Variants in DGKB observed in about 807,000 individuals in gnomAD.
DGKB encodes diacylglycerol kinase beta.
A neutral mutation model predicts 114.3 loss-of-function variants in DGKB; 67 were observed. That is an observed-to-expected ratio of 0.59 (90% CI 0.48 to 0.72). The LOEUF (loss-of-function observed/expected upper bound fraction) is 0.72, where lower values mean the gene tolerates loss of function less well. Among genes scored for constraint, DGKB ranks in the 30% least tolerant of loss-of-function variants. The pLI, the probability that DGKB is intolerant of heterozygous loss-of-function variation, is 0.00. For synonymous variants in DGKB, 398 were observed against 323.1 expected (o/e 1.23, Z -2.49); for missense variants, 907 against 975.2 (o/e 0.93, Z 0.93).
chr7:14,905,222 G>A (rs531686446), upstream of DGKB, among the ~76,000 whole-genome samples: 1 of 142,522 alleles, frequency 7.0e-6, no homozygotes, highest in African/African-American at 2.6e-5. Flanking sequence ...TTGGTAATGA[G>A]TATTTAACAT....
chr7:14,158,465 C>A (rs947719912), intron 25 of DGKB, among the ~76,000 whole-genome samples: 2 of 152,282 alleles, frequency 1.3e-5, no homozygotes, highest in South Asian at 2.1e-4. Flanking sequence ...TCAAGGGAGT[C>A]CAATAAGCTC....
chr7:14,417,779 G>T (rs1177233736), intron 21 of DGKB, among the ~76,000 whole-genome samples: 1 of 151,432 alleles, frequency 6.6e-6, no homozygotes, highest in African/African-American at 2.4e-5. Context: ...CCTCTGTAAA[G>T]CTTTCTGCTG....
At chr7:14,257,826 A>G (rs1796166508) in intron 23 of DGKB, among the ~76,000 whole-genome samples, 1 of 152,138 alleles carries the variant, frequency 6.6e-6, no homozygotes, top group East Asian at 1.9e-4. Context: ...TCCCGGGTTC[A>G]AGCAATTCTC....
chr7:14,458,078 A>G (rs1832551184), intron 21 of DGKB, among the ~76,000 whole-genome samples: 1 of 152,198 alleles, frequency 6.6e-6, no homozygotes, highest in Non-Finnish European at 1.5e-5. Context: ...CCTTGATTAA[A>G]AAAAACGATG....
intron 1 of DGKB, among the ~76,000 whole-genome samples, chr7:14,853,740 C>T (rs1159589090): frequency 3.3e-5 from 5 of 151,052 alleles, no homozygotes; most frequent in African/African-American, 4.9e-5. Flanking sequence ...TGGTGGTGGG[C>T]GCCTGTAGTC....
In DGKB at chr7:14,313,761, C is replaced by G. The variant is rs1482859534; in HGVS notation, c.2122+24754G>C. Reference sequence around the variant, plus strand: ...GGTAAACAAAGCAGCCTGGAAGCTCCAACTGGGTGGAGCCCACCACAGCTC... The same window carrying G: ...GGTAAACAAAGCAGCCTGGAAGCTCGAACTGGGTGGAGCCCACCACAGCTC... On this transcript the variant is annotated intron_variant, in intron 23 of 25. Coordinates refer to ENST00000402815, the MANE Select transcript of DGKB (RefSeq NM_001350709.2). 2.1e-3 allele frequency among the ~76,000 whole-genome samples: 323 copies of G among 152,190 alleles called. 4 individuals are homozygous for G. Among genetic ancestry groups the G allele is most frequent in the African/African-American group, 7.1e-3 (295 of 41,514 alleles).
intron 21 of DGKB, among the ~76,000 whole-genome samples, chr7:14,418,273 T>TATATGTA (rs1393986232): frequency 7.8e-5 from 11 of 140,926 alleles, no homozygotes; most frequent in East Asian, 6.2e-4. Flanking sequence ...TGTATATATA[T>TATATGTA]TTTATATATG....
chr7:14,879,618 T>G (rs1853907747), intron 1 of DGKB, among the ~76,000 whole-genome samples: 1 of 152,202 alleles, frequency 6.6e-6, no homozygotes, highest in Non-Finnish European at 1.5e-5. Flanking sequence ...CTTTAATATT[T>G]CTGTTAGTAC....
At position 14,234,923 on chromosome 7, in the gene DGKB, G is replaced by A. The variant is rs772640370; in HGVS notation, c.2123-56772C>T. 6.2e-4 allele frequency among the ~76,000 whole-genome samples: 94 copies of A among 151,994 alleles called. 2 individuals are homozygous for A. Among genetic ancestry groups the A allele is most frequent in the Non-Finnish European group, 2.8e-4 (19 of 67,976 alleles). ...GCTAGAAAGTGCTGAAAAAGCATACGGTAGGCATTTCAGATTCATTTCTGC... is the reference window on the plus strand; with the variant it reads ...GCTAGAAAGTGCTGAAAAAGCATACAGTAGGCATTTCAGATTCATTTCTGC... On this transcript the variant is annotated intron_variant, in intron 23 of 25. Coordinates refer to ENST00000402815, the MANE Select transcript of DGKB (RefSeq NM_001350709.2).
chr7:14,773,409 T>C (rs1837701963), intron 2 of DGKB, among the ~76,000 whole-genome samples: 1 of 152,112 alleles, frequency 6.6e-6, no homozygotes, highest in Non-Finnish European at 1.5e-5. Context: ...ATGTGTTCGA[T>C]TCAGATAATG....
intron 23 of DGKB, among the ~76,000 whole-genome samples, chr7:14,270,225 C>T (rs747384679): frequency 9.2e-5 from 14 of 152,140 alleles, no homozygotes; most frequent in Admixed American, 5.9e-4. Flanking sequence ...GCTATGCTCT[C>T]CGTTTCTCGA....
intron 20 of DGKB, among the ~76,000 whole-genome samples, chr7:14,546,882 T>C (rs1176954521): frequency 6.6e-6 from 1 of 152,172 alleles, no homozygotes; most frequent in Non-Finnish European, 1.5e-5. Flanking sequence ...ATTCTGGCCA[T>C]TTGAATCCCA....
At chr7:14,675,792 T>G (rs1819755070) in intron 12 of DGKB, among the ~76,000 whole-genome samples, 1 of 152,082 alleles carries the variant, frequency 6.6e-6, no homozygotes, top group African/African-American at 2.4e-5. Flanking sequence ...TTTGATAATA[T>G]GCAGGAATAC....
intron 23 of DGKB, among the ~76,000 whole-genome samples, chr7:14,213,549 T>A (rs1170344614): frequency 6.6e-6 from 1 of 152,134 alleles, no homozygotes; most frequent in Non-Finnish European, 1.5e-5. Context: ...GGGGAAGGTA[T>A]GCTAACTCTT....
At chr7:14,848,426 G>C (rs1458198811) in intron 1 of DGKB, among the ~76,000 whole-genome samples, 1 of 152,148 alleles carries the variant, frequency 6.6e-6, no homozygotes, top group Non-Finnish European at 1.5e-5. Context: ...GTATTAAGTT[G>C]AGATGATTAT....
At chr7:14,417,642 T>A (rs1825910304) in intron 21 of DGKB, among the ~76,000 whole-genome samples, 1 of 151,924 alleles carries the variant, frequency 6.6e-6, no homozygotes, top group Admixed American at 6.6e-5. Flanking sequence ...TTTGGTTAAG[T>A]TTTTGCATGG....
intron 13 of DGKB, among the ~76,000 whole-genome samples, chr7:14,660,596 G>T (rs187089985): frequency 0.023 from 3,420 of 151,924 alleles, 137 homozygotes; most frequent in African/African-American, 0.079. Flanking sequence ...GCGTCTATTT[G>T]ATTCTTCTCT....
At chr7:14,564,057 T>C (rs1009705941) in intron 20 of DGKB, among the ~76,000 whole-genome samples, 3 of 152,182 alleles carry the variant, frequency 2.0e-5, no homozygotes, top group African/African-American at 7.2e-5. Context: ...GAGAAATTTG[T>C]GTGATGAACT....
chr7:14,687,714 C>G (rs1821963806), intron 9 of DGKB, among the ~76,000 whole-genome samples: 1 of 152,072 alleles, frequency 6.6e-6, no homozygotes, highest in Non-Finnish European at 1.5e-5. Flanking sequence ...GGACAAAAAG[C>G]TAATTTTCGT....
Sources: allele counts gnomAD v4.1 joint callset (sites outside exome capture counted in the v4.1 genomes callset), GRCh38; gene constraint gnomAD v4.1.1; transcripts MANE v1.5; gene names NCBI Gene and HGNC (gene_info 2026-07-23, HGNC 2026-07-21).